The following FER1L6 variants were observed in gnomAD, a reference collection of about 807,000 sequenced individuals.
The protein encoded by FER1L6 is fer-1 like family member 6, also known as fer-1-like protein 6.
FER1L6 carries 177 observed loss-of-function variants against 219.2 expected under a neutral mutation model. That is an observed-to-expected ratio of 0.81 (90% CI 0.71 to 0.91). The LOEUF (loss-of-function observed/expected upper bound fraction) is 0.91. Among genes scored for constraint, FER1L6 ranks in the 40% least tolerant of loss-of-function variants. The pLI is 0.00. For synonymous variants in FER1L6, 768 were observed against 824.3 expected (o/e 0.93, Z 1.17); for missense variants, 2,153 against 2,259.9 (o/e 0.95, Z 0.96).
chr8:123,918,232 A>G (rs1813246070), intron 1 of FER1L6, among the ~76,000 whole-genome samples: 1 of 151,802 alleles, frequency 6.6e-6, no homozygotes, highest in Non-Finnish European at 1.5e-5. Context: ...TTGCTTGAGC[A>G]TGGGAGGTGG....
intron 28 of FER1L6, among the ~76,000 whole-genome samples, chr8:124,068,445 T>C (rs1327708297): frequency 6.6e-6 from 1 of 152,212 alleles, no homozygotes; most frequent in Admixed American, 6.5e-5. Flanking sequence ...AAGTAATCTG[T>C]CCAACATTAC....
intron 11 of FER1L6, chr8:123,984,981 T>A (rs1298495518): frequency 6.6e-6 from 1 of 152,242 alleles, no homozygotes; most frequent in Non-Finnish European, 1.5e-5. Context: ...TGTAATGCTG[T>A]GTCAGTGGGT....
chr8:123,871,620 A>C (rs1459571176), intron 1 of FER1L6, among the ~76,000 whole-genome samples: 1 of 152,230 alleles, frequency 6.6e-6, no homozygotes, highest in Non-Finnish European at 1.5e-5. Flanking sequence ...ATATAAGTAA[A>C]TAGAATAGAT....
intron 1 of FER1L6, among the ~76,000 whole-genome samples, chr8:123,925,245 C>T (rs947001016): frequency 6.6e-6 from 1 of 152,264 alleles, no homozygotes; most frequent in South Asian, 2.1e-4. Context: ...TGAGGGAACC[C>T]AGGGACCCAG....
At chr8:123,932,417 A>AGTTTCTTTTAGT (rs2129927839) in intron 1 of FER1L6, among the ~76,000 whole-genome samples, 1 of 152,304 alleles carries the variant, frequency 6.6e-6, no homozygotes, top group Non-Finnish European at 1.5e-5. Context: ...CTCCGTATTT[A>AGTTTCTTTTAGT]TTCTTAAAGT....
chr8:123,949,069 T>A (rs1334619944), intron 1 of FER1L6, among the ~76,000 whole-genome samples: 3 of 152,162 alleles, frequency 2.0e-5, no homozygotes, highest in African/African-American at 7.2e-5. Context: ...CCCCAGTCAT[T>A]CTTACTTGAT....
intron 33 of FER1L6, 38 bp from the exon 34 acceptor site, chr8:124,091,385 G>A: frequency 1.3e-6 from 2 of 1,590,130 alleles, no homozygotes; most frequent in African/African-American, 1.3e-5. Flanking sequence ...GGTTCTTTAA[G>A]TGAGGACCTC....
intron 1 of FER1L6, among the ~76,000 whole-genome samples, chr8:123,935,905 TGGAG>T (rs150022282): frequency 0.016 from 2,279 of 146,178 alleles, 49 homozygotes; most frequent in African/African-American, 0.054. Context: ...AGAAGGAAAA[TGGAG>T]AAAGTGATGA....
chr8:124,017,115 A>G (rs1818235288), intron 15 of FER1L6, among the ~76,000 whole-genome samples: 2 of 152,134 alleles, frequency 1.3e-5, no homozygotes, highest in Non-Finnish European at 1.5e-5. Context: ...CGTTTAGTCC[A>G]TTTACATTTT....
chr8:124,106,780 T>C (rs538704546), intron 39 of FER1L6, among the ~76,000 whole-genome samples: 2 of 152,286 alleles, frequency 1.3e-5, no homozygotes, highest in African/African-American at 4.8e-5. Context: ...GTTCTTCTAC[T>C]GTCAGCAATT....
rs16899282 is a variant in FER1L6 at position 124,066,652 on chromosome 8, A to G, written c.3678+102A>G. Reference sequence around the variant, plus strand: ...ATAACCTCCTTTTAAATGCCACTATACATAGACCCTACTCAGGTGTGGTTC... The same window carrying G: ...ATAACCTCCTTTTAAATGCCACTATGCATAGACCCTACTCAGGTGTGGTTC... On this transcript the variant is annotated intron_variant, in intron 27 of 40. Transcript: ENST00000522917. The G allele has an allele frequency of 1.5e-3, 1,950 of 1,279,924 alleles. 42 individuals carry two copies. In the East Asian group the frequency reaches 0.038, roughly 25 times the overall value. The allele number at this position is 1,279,924 out of a possible 1,614,324, so 79.3% of individuals were successfully genotyped here. A position where few individuals can be genotyped will look rare whatever the true frequency, so the allele number is the denominator to read the frequency against.
intron 1 of FER1L6, among the ~76,000 whole-genome samples, chr8:123,870,070 A>G (rs1400827733): frequency 6.6e-6 from 1 of 152,256 alleles, no homozygotes; most frequent in African/African-American, 2.4e-5. Context: ...GTCATTTGTC[A>G]TTAGTGAATT....
chr8:123,887,771 G>C (rs1817231377), intron 1 of FER1L6, among the ~76,000 whole-genome samples: 1 of 152,120 alleles, frequency 6.6e-6, no homozygotes, highest in South Asian at 2.1e-4. Flanking sequence ...CTTAATTTGA[G>C]AAATTCTGGA....
At chr8:124,042,141 T>A (rs1819529377) in intron 20 of FER1L6, among the ~76,000 whole-genome samples, 3 of 152,246 alleles carry the variant, frequency 2.0e-5, no homozygotes, top group Admixed American at 2.0e-4. Context: ...GGATTTGGAC[T>A]AAATCCTTGG....
Position 124,053,764 on chromosome 8 carries a change from G to A in FER1L6, c.2874+4008G>A, listed in dbSNP as rs113295456. Among the ~76,000 whole-genome samples, 1,282 of 152,176 alleles carry A rather than the reference G, an allele frequency of 8.4e-3. 22 individuals carry two copies. The highest frequency in any genetic ancestry group is 0.029 in the African/African-American group (1,197 of 41,512). On this transcript the variant is annotated intron_variant, in intron 22 of 40. Coordinates refer to ENST00000522917, the MANE Select transcript of FER1L6 (RefSeq NM_001039112.2). ...TGCCAGCTACTCAGGAGGTGGAGGC[G>A]GGAGGATTACTTGAGCCTGGGAGGT...
At chr8:124,054,947 G>A (rs963981490) in intron 22 of FER1L6, among the ~76,000 whole-genome samples, 6 of 152,158 alleles carry the variant, frequency 3.9e-5, no homozygotes, top group Non-Finnish European at 8.8e-5. Context: ...AGAAAGGCCC[G>A]TTGGGAGACT....
At chr8:123,941,253 A>T (rs1814227866) in intron 1 of FER1L6, among the ~76,000 whole-genome samples, 1 of 152,240 alleles carries the variant, frequency 6.6e-6, no homozygotes, top group Admixed American at 6.5e-5. Flanking sequence ...GAGAGCTTAG[A>T]TAGAACCAGG....
At chr8:124,077,519 A>G (rs1035045452) in intron 32 of FER1L6, among the ~76,000 whole-genome samples, 2 of 152,202 alleles carry the variant, frequency 1.3e-5, no homozygotes, top group African/African-American at 4.8e-5. Flanking sequence ...GCCTGTCCAG[A>G]TTAATGAGAA....
intron 18 of FER1L6, among the ~76,000 whole-genome samples, chr8:124,024,196 A>ATTTTTTT (rs201365446): frequency 7.0e-6 from 1 of 142,460 alleles, no homozygotes. Context: ...GTACTTGGCC[A>ATTTTTTT]TTTTTTTTTT....
Sources: allele counts gnomAD v4.1 joint callset (sites outside exome capture counted in the v4.1 genomes callset), GRCh38; gene constraint gnomAD v4.1.1; transcripts MANE v1.5; gene names NCBI Gene and HGNC (gene_info 2026-07-23, HGNC 2026-07-21).